Variants in EYA1 observed in about 807,000 individuals in gnomAD.
EYA1 encodes EYA transcriptional coactivator and phosphatase 1.
Under a neutral mutation model 82.0 loss-of-function variants are expected in EYA1, and 16 were observed. The ratio of observed to expected loss-of-function variants is 0.20; its 90% CI spans 0.13 to 0.30. The LOEUF is 0.30. EYA1 is among the 10% of genes least tolerant of loss of function. The pLI is 1.00. For synonymous variants in EYA1, 261 were observed against 264.4 expected (o/e 0.99, Z 0.12); for missense variants, 633 against 730.7 (o/e 0.87, Z 1.54).
At chr8:71,241,282 G>A (rs951475643) in intron 12 of EYA1, among the ~76,000 whole-genome samples, 1 of 152,142 alleles carries the variant, frequency 6.6e-6, no homozygotes, top group Non-Finnish European at 1.5e-5. Context: ...AAGTCACTAA[G>A]TGAGATTACA....
intron 2 of EYA1, among the ~76,000 whole-genome samples, chr8:71,371,693 G>A (rs1401000013): frequency 3.9e-5 from 6 of 151,952 alleles, no homozygotes; most frequent in Non-Finnish European, 4.4e-5. Flanking sequence ...TCAAACAAAA[G>A]CAAATGCCAG....
At position 71,235,345 on chromosome 8, in the gene EYA1, G is replaced by C. The variant is rs78196580; in HGVS notation, c.1140+9258C>G. Among the ~76,000 whole-genome samples the C allele has an allele frequency of 1.4e-3, 220 of 152,278 alleles. 6 individuals carry two copies. In the East Asian group the frequency reaches 0.033, roughly 23 times the overall value. ...ATCTGGACCCTGCCGCTCTTCCCTA[G>C]TTACTCTGTCTCAGCCACACTGGGC... On this transcript the variant is annotated intron_variant, in intron 12 of 17. Coordinates refer to ENST00000340726, the MANE Select transcript of EYA1 (RefSeq NM_000503.6).
At chr8:71,441,811 G>T (rs1464232569) in intron 2 of EYA1, among the ~76,000 whole-genome samples, 3 of 152,156 alleles carry the variant, frequency 2.0e-5, no homozygotes, top group African/African-American at 7.2e-5. Context: ...TAGAAGTGGG[G>T]TCTTTGGGAG....
intron 9 of EYA1, among the ~76,000 whole-genome samples, chr8:71,298,756 T>C (rs924061012): frequency 6.6e-6 from 1 of 152,238 alleles, no homozygotes; most frequent in Admixed American, 6.5e-5. Context: ...TATAGCTAAG[T>C]ATTTATAATT....
At chr8:71,530,324 G>T (rs1490905500) in intron 2 of EYA1, among the ~76,000 whole-genome samples, 2 of 152,168 alleles carry the variant, frequency 1.3e-5, no homozygotes, top group African/African-American at 4.8e-5. Flanking sequence ...TCCAGAGGGA[G>T]CATGGCCCTG....
intron 7 of EYA1, among the ~76,000 whole-genome samples, chr8:71,311,296 G>C (rs994248421): frequency 6.6e-6 from 1 of 152,152 alleles, no homozygotes; most frequent in Admixed American, 6.5e-5. Context: ...TGACACACTG[G>C]GGAGATATTC....
chr8:71,420,709 C>T (rs991921092), intron 2 of EYA1, among the ~76,000 whole-genome samples: 2 of 152,024 alleles, frequency 1.3e-5, no homozygotes, highest in Non-Finnish European at 2.9e-5. Context: ...TTCAAGTCTC[C>T]AGAAGCACTT....
rs2128857617 is a variant in EYA1, at chr8:71,218,282, A to C, written c.1141-1259T>G. ...AGCACTTAGACTCAACTTCATAACA[A>C]AGATGACACTTAGAAAGCACTATAA... is the stretch of plus-strand genomic sequence containing the variant. On this transcript the variant is annotated intron_variant, in intron 12 of 17. Coordinates refer to ENST00000340726, the MANE Select transcript of EYA1 (RefSeq NM_000503.6). Among the ~76,000 whole-genome samples, 6 of 152,318 alleles carry C rather than the reference A, an allele frequency of 3.9e-5. No homozygotes were observed. The Middle Eastern group carries it at 0.017, about 432-fold the overall frequency.
intron 3 of EYA1, among the ~76,000 whole-genome samples, chr8:71,343,905 A>C (rs1226532294): frequency 6.6e-6 from 1 of 152,194 alleles, no homozygotes; most frequent in African/African-American, 2.4e-5. Context: ...ATGCTATAAA[A>C]TTTATCATAC....
chr8:71,383,669 T>C (rs78340413), intron 2 of EYA1, among the ~76,000 whole-genome samples: 4,017 of 152,192 alleles, frequency 0.026, 101 homozygotes, highest in East Asian at 0.078. Context: ...CCTACAGATA[T>C]AGATATGTAG....
chr8:71,376,316 G>A (rs1828368920), intron 2 of EYA1, among the ~76,000 whole-genome samples: 1 of 152,184 alleles, frequency 6.6e-6, no homozygotes, highest in Non-Finnish European at 1.5e-5. Context: ...AAAGAACAGG[G>A]CCAGGGCTGG....
intron 9 of EYA1, among the ~76,000 whole-genome samples, chr8:71,280,615 C>A (rs116318425): frequency 1.3e-5 from 2 of 152,346 alleles, no homozygotes; most frequent in African/African-American, 4.8e-5. Flanking sequence ...CTAAACTTCA[C>A]GCTTGAATTC....
At chr8:71,373,085 C>T (rs931776602) in intron 2 of EYA1, among the ~76,000 whole-genome samples, 2 of 152,036 alleles carry the variant, frequency 1.3e-5, no homozygotes, top group African/African-American at 2.4e-5. Context: ...GCAAGGATCC[C>T]CATTCTCACC....
chr8:71,421,827 G>A (rs1403479318), intron 2 of EYA1, among the ~76,000 whole-genome samples: 2 of 152,184 alleles, frequency 1.3e-5, no homozygotes, highest in Non-Finnish European at 2.9e-5. Flanking sequence ...AGCAGCTGCT[G>A]CCACTGCACC....
Position 71,448,511 on chromosome 8 carries a change from C to T in EYA1, c.33+87233G>A, listed in dbSNP as rs185120717. Among the ~76,000 whole-genome samples, 249 of 152,272 alleles carry T rather than the reference C, an allele frequency of 1.6e-3. 1 individual carries two copies. The highest frequency in any genetic ancestry group is 6.8e-3 in the Middle Eastern group (2 of 294). ...TGAAGTCTTGAACTCCTCCAACTTA[C>T]CCATGGAGGGCTGGAATCAGCTTTT... On this transcript the variant is annotated intron_variant, in intron 2 of 18. Transcript: ENST00000643681.
At chr8:71,328,984 A>C (rs1365498349) in intron 4 of EYA1, among the ~76,000 whole-genome samples, 1 of 152,170 alleles carries the variant, frequency 6.6e-6, no homozygotes, top group African/African-American at 2.4e-5. Flanking sequence ...CATGAAGACC[A>C]TCAGGACTGC....
intron 2 of EYA1, among the ~76,000 whole-genome samples, chr8:71,532,826 G>A (rs1814398075): frequency 6.6e-6 from 1 of 152,130 alleles, no homozygotes; most frequent in Admixed American, 6.5e-5. Flanking sequence ...AGGTTATATG[G>A]ATTTTACTTC....
At chr8:71,348,340 C>T (rs1443633437) in intron 3 of EYA1, among the ~76,000 whole-genome samples, 1 of 152,204 alleles carries the variant, frequency 6.6e-6, no homozygotes, top group African/African-American at 2.4e-5. Context: ...TGACTAAATA[C>T]TACCATTCAC....
intron 2 of EYA1, among the ~76,000 whole-genome samples, chr8:71,516,770 A>G (rs1284518334): frequency 6.6e-6 from 1 of 151,888 alleles, no homozygotes; most frequent in Non-Finnish European, 1.5e-5. Context: ...TCCTCTAAAA[A>G]TCTCCCCTTA....
Sources: gnomAD v4.1 joint callset for allele counts (sites outside exome capture counted in the v4.1 genomes callset) on GRCh38, gnomAD v4.1.1 for gene constraint, MANE v1.5 for transcripts, NCBI Gene and HGNC (gene_info 2026-07-23, HGNC 2026-07-21) for gene names.